TPST2: variants seen among roughly 807,000 people sequenced by gnomAD.
The protein encoded by TPST2 is protein-tyrosine sulfotransferase 2.
TPST2 carries 16 observed loss-of-function variants against 27.8 expected under a neutral mutation model. The ratio of observed to expected loss-of-function variants is 0.58; its 90% CI spans 0.39 to 0.88. TPST2 has a LOEUF of 0.88. Among genes scored for constraint, TPST2 ranks in the 40% least tolerant of loss-of-function variants. The pLI is 0.00. For missense variants in TPST2, 464 were observed against 543.1 expected (o/e 0.85, Z 1.45); for synonymous variants, 229 against 231.7 (o/e 0.99, Z 0.10).
chr22:26,579,381 G>T (rs1247970058), intron 1 of TPST2, among the ~76,000 whole-genome samples: 1 of 152,194 alleles, frequency 6.6e-6, no homozygotes, highest in Non-Finnish European at 1.5e-5. Flanking sequence ...CTGCCGTCCT[G>T]CTGCTAGCCC....
intron 1 of TPST2, among the ~76,000 whole-genome samples, chr22:26,550,925 C>T (rs1382770838): frequency 2.0e-5 from 3 of 152,088 alleles, no homozygotes; most frequent in Admixed American, 6.6e-5. Context: ...GCATAAAAAG[C>T]ATGAAGAGTG....
intron 4 of TPST2, chr22:26,536,036 G>A (rs778382314): frequency 3.1e-6 from 2 of 646,628 alleles, no homozygotes; most frequent in Admixed American, 4.4e-5. Context: ...GATGAAATTA[G>A]TGTACAAGCT....
intron 3 of TPST2, among the ~76,000 whole-genome samples, chr22:26,538,717 G>C (rs1280576055): frequency 1.3e-5 from 2 of 152,236 alleles, no homozygotes; most frequent in African/African-American, 4.8e-5. Context: ...AGCTATTTGG[G>C]AGGCTGAGGC....
chr22:26,569,465 T>A lies in TPST2; in HGVS notation c.-161+20588A>T, dbSNP rs578102920. Reference sequence around the variant, plus strand: ...CGTATGAAATATGCATTTTTCTGTATACACGTTAGACTTGAATAAAAATAG... The same window carrying A: ...CGTATGAAATATGCATTTTTCTGTAAACACGTTAGACTTGAATAAAAATAG... On this transcript the variant is annotated intron_variant, in intron 1 of 6. Transcript: ENST00000338754. Among the ~76,000 whole-genome samples, 4 of 152,330 alleles carry A rather than the reference T, an allele frequency of 2.6e-5. No individual in the cohort carries two copies. The East Asian group carries it at 7.7e-4, about 29-fold the overall frequency.
At position 26,541,639 on chromosome 22, in the gene TPST2, G is replaced by A. The variant is rs562367110; in HGVS notation, c.-9C>T. ...CGCACCGACAGGCGCATGCTGGGCC[G>A]GAGGCAGGGTAGGCCTGGCCTGAGG... is the stretch of plus-strand genomic sequence containing the variant. On this transcript the variant is annotated 5_prime_UTR_variant, in exon 3 of 7. Coordinates refer to ENST00000338754, the MANE Select transcript of TPST2 (RefSeq NM_003595.5). This position sits in a 1 kb window ranked among gnomAD's most constrained non-coding sequence, Gnocchi z 5.9. 1,198 of 1,556,074 alleles carry A rather than the reference G, an allele frequency of 7.7e-4. 2 individuals carry two copies. The highest frequency in any genetic ancestry group is 1.0e-3 in the Non-Finnish European group (1,155 of 1,157,320).
rs762546234 is a variant in TPST2, at chr22:26,524,177, A to G, written c.*2098T>C. On this transcript the variant is annotated 3_prime_UTR_variant, in exon 7 of 7. Transcript: ENST00000338754. ...TGAACAAAAAGGGTCACACCTTCAA[A>G]AAAGCCTAATTTCCATTCCAGAGCA... 3.3e-5 allele frequency: 5 copies of G among 152,216 alleles called. No homozygotes were observed. The highest frequency in any genetic ancestry group is 7.2e-5 in the African/African-American group (3 of 41,462). The allele number at this position is 152,216 out of a possible 1,614,324, so 9.4% of individuals were successfully genotyped here.
At chr22:26,564,763 A>T (rs1289535267) in intron 1 of TPST2, among the ~76,000 whole-genome samples, 1 of 152,164 alleles carries the variant, frequency 6.6e-6, no homozygotes, top group Admixed American at 6.5e-5. Context: ...AAATGGGGAA[A>T]TTGAGGCCCA....
At chr22:26,566,306 A>G (rs1030391970) in intron 1 of TPST2, among the ~76,000 whole-genome samples, 4 of 152,170 alleles carry the variant, frequency 2.6e-5, no homozygotes, top group Admixed American at 1.3e-4. Context: ...TAATCCCAGC[A>G]CTTTGGGGGG....
At chr22:26,581,016 ACAT>A in intron 1 of TPST2, among the ~76,000 whole-genome samples, 1 of 29,580 alleles carries the variant, frequency 3.4e-5, no homozygotes, top group East Asian at 1.2e-3. Flanking sequence ...CCCTCAACAT[ACAT>A]ACACACACAC....
intron 1 of TPST2, chr22:26,561,113 TGAG>T (rs983687468): frequency 3.7e-5 from 59 of 1,607,858 alleles, no homozygotes; most frequent in Admixed American, 1.0e-4. Context: ...ATGAAGAGGA[TGAG>T]GAGGAGGAAG....
At position 26,536,314 on chromosome 22, in the gene TPST2, G is replaced by A; in HGVS notation, c.1015C>T (p.Pro339Ser). The A allele has an allele frequency of 6.2e-7, 1 of 1,614,162 alleles. No individual in the cohort carries two copies. The highest frequency in any genetic ancestry group is 8.5e-7 in the Non-Finnish European group (1 of 1,180,028). ...ANPPNYGNPD[P>S]FVINNTQRVL... ...CGCTGTGTGTTGTTGATGACGAAGG[G>A]GTCAGGGTTGCCATAGTTGGGGGGG... The change falls in exon 4 of 7, where the codon CCC becomes TCC. Residue 339 changes from proline (P) to serine (S), a missense_variant. Coordinates refer to ENST00000338754, the MANE Select transcript of TPST2 (RefSeq NM_003595.5).
chr22:26,566,172 G>A (rs552836194), intron 1 of TPST2, among the ~76,000 whole-genome samples: 25 of 151,994 alleles, frequency 1.6e-4, no homozygotes, highest in Middle Eastern at 3.4e-3. Flanking sequence ...ATCCCAGCAC[G>A]TCGGGAGGCT....
intron 2 of TPST2, among the ~76,000 whole-genome samples, chr22:26,542,858 G>T (rs538941526): frequency 9.5e-4 from 145 of 152,284 alleles, no homozygotes; most frequent in Non-Finnish European, 1.6e-3. Context: ...TGGATGTGAG[G>T]TTCCACCCAA....
intron 1 of TPST2, among the ~76,000 whole-genome samples, chr22:26,579,452 G>A (rs192998008): frequency 7.6e-4 from 116 of 152,298 alleles, no homozygotes; most frequent in Admixed American, 5.4e-3. Context: ...CCCTGGGGGC[G>A]TGGAAAGGGT....
In TPST2 at chr22:26,541,046, G is replaced by A; in HGVS notation, c.585C>T (p.Arg195=). ...GGTCAAAGCCCGCAATGGTGACTTT[G>A]CGCGTGATCATGGAGTGCACGGAGG... ...GRASVHSMIT[R]KVTIAGFDLS... The change falls in exon 3 of 7, where the codon CGC becomes CGT. Residue 195 remains arginine, a synonymous_variant. Coordinates refer to ENST00000338754, the MANE Select transcript of TPST2 (RefSeq NM_003595.5). The surrounding 1 kb of genome is among the most constrained non-coding windows in gnomAD (Gnocchi z 5.9). 6 of 1,613,950 alleles carry A rather than the reference G, an allele frequency of 3.7e-6. No homozygotes were observed. Among genetic ancestry groups the A allele is most frequent in the Non-Finnish European group, 4.2e-6 (5 of 1,180,000 alleles).
At chr22:26,559,408 G>A (rs1325278759) in intron 1 of TPST2, among the ~76,000 whole-genome samples, 1 of 152,236 alleles carries the variant, frequency 6.6e-6, no homozygotes, top group Non-Finnish European at 1.5e-5. Context: ...ATGGTCTTTA[G>A]TATAATCACA....
chr22:26,549,551 G>A (rs1426602637), intron 1 of TPST2, among the ~76,000 whole-genome samples: 1 of 150,882 alleles, frequency 6.6e-6, no homozygotes, highest in African/African-American at 2.4e-5. Flanking sequence ...CAGCTACTCA[G>A]GAGGCTGAGG....
At chr22:26,539,459 G>T (rs1242908694) in intron 3 of TPST2, among the ~76,000 whole-genome samples, 1 of 151,980 alleles carries the variant, frequency 6.6e-6, no homozygotes, top group African/African-American at 2.4e-5. Flanking sequence ...AGGATGGGAG[G>T]AGTTCTGGAC....
intron 1 of TPST2, among the ~76,000 whole-genome samples, chr22:26,567,263 A>C (rs377420024): frequency 2.2e-4 from 34 of 152,318 alleles, no homozygotes; most frequent in African/African-American, 7.7e-4. Context: ...TAGCCCAGTT[A>C]GTGTTTCTGC....
Sources: gnomAD v4.1 joint callset for allele counts (sites outside exome capture counted in the v4.1 genomes callset) on GRCh38, gnomAD v4.1.1 for gene constraint, Gnocchi (gnomAD v3.1) non-coding constraint, MANE v1.5 for transcripts, NCBI Gene and HGNC (gene_info 2026-07-23, HGNC 2026-07-21) for gene names.